The following ZNF880 variants were observed in gnomAD, a reference collection of about 807,000 sequenced individuals.
ZNF880 encodes zinc finger protein LOC400713.
ZNF880 carries 12 observed loss-of-function variants against 11.8 expected under a neutral mutation model. The observed-to-expected ratio is 1.02, with a 90% CI of 0.65 to 1.65. ZNF880 has a LOEUF of 1.65. ZNF880 is among the 40% of genes most tolerant of loss of function. ZNF880 has a pLI of 0.00. For missense variants in ZNF880, 601 were observed against 673.9 expected (o/e 0.89, Z 1.20); for synonymous variants, 210 against 232.4 (o/e 0.90, Z 0.88).
At chr19:52,374,568 C>G (rs576165518) in intron 3 of ZNF880, 141 bp downstream of exon 3, 5 of 1,018,060 alleles carry the variant, frequency 4.9e-6, no homozygotes, top group African/African-American at 1.6e-5. Context: ...AACTCCTGGT[C>G]TCAAGTGATC....
intron 1 of ZNF880, among the ~76,000 whole-genome samples, chr19:52,372,871 C>G (rs943894586): frequency 2.1e-5 from 3 of 140,750 alleles, no homozygotes; most frequent in African/African-American, 8.1e-5. Flanking sequence ...GATCGCGCCA[C>G]TGCACTCCAG....
At chr19:52,370,882 T>G (rs1478937591) in intron 1 of ZNF880, among the ~76,000 whole-genome samples, 1 of 152,218 alleles carries the variant, frequency 6.6e-6, no homozygotes, top group Non-Finnish European at 1.5e-5. Context: ...AAGGCTGTAG[T>G]GTGCCATGAA....
At chr19:52,372,859 A>G (rs571533953) in intron 1 of ZNF880, among the ~76,000 whole-genome samples, 3,762 of 146,590 alleles carry the variant, frequency 0.026, 153 homozygotes, top group African/African-American at 0.09. Flanking sequence ...GCAGTGAGCC[A>G]GGATCGCGCC....
In ZNF880 at chr19:52,385,458, A is replaced by G. The variant is rs775869997; in HGVS notation, c.*144A>G. 6.1e-6 allele frequency: 6 copies of G among 985,968 alleles called. No homozygotes were observed. Among genetic ancestry groups the G allele is most frequent in the Admixed American group, 5.8e-5 (2 of 34,536 alleles). 61.1% of individuals were successfully genotyped at this position (985,968 alleles called of 1,614,324 possible). ...TAATCAACATCAGAGATTCCATACTAAAGAGAAATCATAGCAATGTATGTG... is the reference window on the plus strand; with the variant it reads ...TAATCAACATCAGAGATTCCATACTGAAGAGAAATCATAGCAATGTATGTG... On this transcript the variant is annotated 3_prime_UTR_variant, in exon 4 of 4. Coordinates refer to ENST00000422689, the MANE Select transcript of ZNF880 (RefSeq NM_001145434.2).
chr19:52,380,312 T>TA (rs1045245880), intron 3 of ZNF880, among the ~76,000 whole-genome samples: 1 of 151,978 alleles, frequency 6.6e-6, no homozygotes, highest in Non-Finnish European at 1.5e-5. Flanking sequence ...GTTTTTTTTT[T>TA]AACAATAAAT....
chr19:52,376,074 G>T (rs975465977), intron 3 of ZNF880, among the ~76,000 whole-genome samples: 1 of 152,238 alleles, frequency 6.6e-6, no homozygotes, highest in Admixed American at 6.5e-5. Flanking sequence ...TGATTGATGG[G>T]CATTTGAGCT....
At chr19:52,393,392 A>G in the ZNF880 span, among the ~76,000 whole-genome samples, 1 of 147,432 alleles carries the variant, frequency 6.8e-6, no homozygotes, top group Non-Finnish European at 1.5e-5. Flanking sequence ...TTAGTTTTGA[A>G]TGGAAATTTT....
At chr19:52,386,195 AAAAG>A (rs1305709506), downstream of ZNF880, among the ~76,000 whole-genome samples, 16 of 139,864 alleles carry the variant, frequency 1.1e-4, 5 homozygotes, top group African/African-American at 4.4e-4. Context: ...AAAAGAAAGA[AAAAG>A]AAGCAGTATG....
rs749862637 is a variant in ZNF880 at position 52,383,871 on chromosome 19, CA to C, written c.293del (p.Asn98MetfsTer13). On this transcript the variant is annotated frameshift_variant, in exon 4 of 4. Coordinates refer to ENST00000422689, the MANE Select transcript of ZNF880 (RefSeq NM_001145434.2). LOFTEE classifies it low-confidence loss of function (END_TRUNC). ...NAESSSKLGSNAGNKSLKNQL... is the reference protein window; with the variant it reads ...NAESSSKLGSXAGNKSLKNQL... ...TAGAGAGCAGCTCTAAATTGGGAAG[CA>C]ATGCCGGAAACAAGTCTCTTAAAAA... 8 of 1,543,194 alleles carry C rather than the reference CA, an allele frequency of 5.2e-6. No individual in the cohort carries two copies. The East Asian group carries it at 1.9e-4, about 36-fold the overall frequency.
intron 3 of ZNF880, 106 bp from the exon 4 acceptor site, chr19:52,383,743 T>C: frequency 8.4e-7 from 1 of 1,190,426 alleles, no homozygotes; most frequent in Non-Finnish European, 1.2e-6. Context: ...TATGCTGATA[T>C]TCCTTCCCAT....
upstream of ZNF880, among the ~76,000 whole-genome samples, chr19:52,368,868 G>C (rs952940483): frequency 6.7e-5 from 10 of 150,140 alleles, no homozygotes; most frequent in Admixed American, 6.1e-4. Context: ...TGTAGTCCCA[G>C]CTACTTGGGA....
chr19:52,383,113 TTC>T (rs138869194), intron 3 of ZNF880, among the ~76,000 whole-genome samples: 1,995 of 152,310 alleles, frequency 0.013, 23 homozygotes, highest in Non-Finnish European at 0.019. Context: ...GCTCCAGAAT[TTC>T]TGTTCTTTTG....
chr19:52,379,877 A>C (rs918547626), intron 3 of ZNF880: 2 of 149,760 alleles, frequency 1.3e-5, no homozygotes, highest in African/African-American at 2.4e-5. Context: ...GGATTATTTG[A>C]GAAAATGTCA....
the ZNF880 span, among the ~76,000 whole-genome samples, chr19:52,394,061 G>A: frequency 2.2e-3 from 331 of 151,464 alleles, 1 homozygote; most frequent in Middle Eastern, 0.017. Flanking sequence ...GGATAGTCTC[G>A]ATCTCCTGAC....
At chr19:52,377,107 G>C (rs558264031) in intron 3 of ZNF880, among the ~76,000 whole-genome samples, 1 of 152,176 alleles carries the variant, frequency 6.6e-6, no homozygotes. Context: ...CTCTGTTTCT[G>C]TAGTGATTTT....
In ZNF880 at chr19:52,369,948, T is replaced by A. The variant is rs1300607698; in HGVS notation, c.-18T>A. 22 of 1,551,620 alleles carry A rather than the reference T, an allele frequency of 1.4e-5. No homozygotes were observed. The highest frequency in any genetic ancestry group is 1.9e-5 in the Non-Finnish European group (22 of 1,146,976). ...AGTTTCCTGGAGACCCGGAAGCAGATTACGTGGAGTGACGGTCATGCTGCG... is the reference window on the plus strand; with the variant it reads ...AGTTTCCTGGAGACCCGGAAGCAGAATACGTGGAGTGACGGTCATGCTGCG... On this transcript the variant is annotated 5_prime_UTR_variant, in exon 1 of 4. Transcript: ENST00000422689.
At chr19:52,393,936 A>C in the ZNF880 span, among the ~76,000 whole-genome samples, 4 of 143,374 alleles carry the variant, frequency 2.8e-5, no homozygotes, top group African/African-American at 1.0e-4. Context: ...TCCTGAGTTC[A>C]CGCCATTCTC....
Position 52,385,456 on chromosome 19 carries a change from C to T in ZNF880, c.*142C>T. The T allele has an allele frequency of 1.0e-6, 1 of 1,003,046 alleles. No individual in the cohort carries two copies. The highest frequency in any genetic ancestry group is 1.4e-6 in the Non-Finnish European group (1 of 700,308). The allele number at this position is 1,003,046 out of a possible 1,614,324, so 62.1% of individuals were successfully genotyped here. On this transcript the variant is annotated 3_prime_UTR_variant, in exon 4 of 4. Coordinates refer to ENST00000422689, the MANE Select transcript of ZNF880 (RefSeq NM_001145434.2). ...ATTAATCAACATCAGAGATTCCATA[C>T]TAAAGAGAAATCATAGCAATGTATG... is the stretch of plus-strand genomic sequence containing the variant.
upstream of ZNF880, chr19:52,369,857 G>C: frequency 7.0e-7 from 1 of 1,423,058 alleles, no homozygotes; most frequent in Non-Finnish European, 9.7e-7. Flanking sequence ...GCGAGGCGGA[G>C]GGAAGCGCAG....
Sources: gnomAD v4.1 joint callset for allele counts (sites outside exome capture counted in the v4.1 genomes callset) on GRCh38, gnomAD v4.1.1 for gene constraint, MANE v1.5 for transcripts, NCBI Gene and HGNC (gene_info 2026-07-23, HGNC 2026-07-21) for gene names.